TTN: variants seen among roughly 807,000 people sequenced by gnomAD.
TTN encodes the protein titin.
A neutral mutation model predicts 3,223.0 loss-of-function variants in TTN; 1,525 were observed. That is an observed-to-expected ratio of 0.47 (90% CI 0.45 to 0.49). TTN has a LOEUF of 0.49. Ranked by LOEUF, TTN falls within the 20% of genes least tolerant of loss-of-function variation. The probability of loss-of-function intolerance (pLI) is 0.00; values close to 1 mark genes in which losing one functional copy is unlikely to be tolerated. For synonymous variants in TTN, 14,094 were observed against 15,161.0 expected, an observed-to-expected ratio of 0.93 and a Z score of 5.17; for missense variants, 40,786 against 43,424.0, an observed-to-expected ratio of 0.94 and a Z score of 5.40.
chr2:178,702,296 A>C (rs1020427122), intron 107 of TTN, 51 bp from the exon 108 acceptor site: 6 of 1,610,614 alleles, frequency 3.7e-6, no homozygotes, highest in Non-Finnish European at 5.1e-6. Flanking sequence ...TGCAAATAAC[A>C]CTTCTTTACT....
Position 178,635,516 on chromosome 2 carries a change from A to G in TTN, c.41808T>C (p.Asn13936=), listed in dbSNP as rs879194690. 2.2e-5 allele frequency: 35 copies of G among 1,601,040 alleles called. No homozygotes were observed. Among genetic ancestry groups the G allele is most frequent in the Non-Finnish European group, 3.0e-5 (35 of 1,172,844 alleles). Residue 13936 remains asparagine (N), a synonymous_variant, in exon 227 of 363, where the codon AAT becomes AAC. Coordinates refer to ENST00000589042, the MANE Select transcript of TTN (RefSeq NM_001267550.2). ...DGNHLYLKIK[N]AMPEDIAEYA... Reference sequence around the variant, plus strand: ...ACTCAGCAATATCTTCTGGCATAGCATTCTTAATTTTGAGGTACAGATGAT... The same window carrying G: ...ACTCAGCAATATCTTCTGGCATAGCGTTCTTAATTTTGAGGTACAGATGAT...
In TTN at chr2:178,597,224, T is replaced by C. The variant is rs1316260501; in HGVS notation, c.57544+314A>G. On this transcript the variant is annotated intron_variant, in intron 294 of 362. Coordinates refer to ENST00000589042, the MANE Select transcript of TTN (RefSeq NM_001267550.2). ...TCTGGGCCATGATTCAGAATACATA[T>C]TCATGGCCTTCTAGCAATTTGAGAA... is the stretch of plus-strand genomic sequence containing the variant. Among the ~76,000 whole-genome samples, 5 of 152,092 alleles carry C rather than the reference T, an allele frequency of 3.3e-5. No individual in the cohort carries two copies. In the East Asian group the frequency reaches 9.7e-4, roughly 30 times the overall value.
At position 178,611,892 on chromosome 2, in the gene TTN, C is replaced by A; in HGVS notation, c.50417G>T (p.Gly16806Val). 1 of 1,612,814 alleles carries A rather than the reference C, an allele frequency of 6.2e-7. No individual in the cohort carries two copies. Among genetic ancestry groups the A allele is most frequent in the Non-Finnish European group, 8.5e-7 (1 of 1,179,256 alleles). Residue 16806 changes from glycine to valine, a missense_variant, in exon 268 of 363, where the codon GGA (glycine) becomes GTA (valine). By Grantham distance (109) the Gly-to-Val change is moderately radical. Coordinates refer to ENST00000589042, the MANE Select transcript of TTN (RefSeq NM_001267550.2). ...TRWVKAGKTAGPDCNFRVTDV... is the reference protein window; with the variant it reads ...TRWVKAGKTAVPDCNFRVTDV... ...AGTTACTCTGAAGTTACAGTCAGGT[C>A]CTGCAGTCTTTCCAGCTTTCACCCA...
In TTN at chr2:178,730,181, T is replaced by G; in HGVS notation, c.18219A>C (p.Ala6073=). The change falls in exon 62 of 363, where the codon GCA becomes GCC. Residue 6073 remains alanine (A), a synonymous_variant. Coordinates refer to ENST00000589042, the MANE Select transcript of TTN (RefSeq NM_001267550.2). ...DDTSTSLELF[A]AKATDSGTYI... ...AGGTTCCAGAATCGGTAGCTTTGGCTGCAAAGAGCTCTAGACTGGTAGAGG... is the reference window on the plus strand; with the variant it reads ...AGGTTCCAGAATCGGTAGCTTTGGCGGCAAAGAGCTCTAGACTGGTAGAGG... 6.2e-7 allele frequency: 1 copy of G among 1,613,502 alleles called. No homozygotes were observed. Among genetic ancestry groups the G allele is most frequent in the Non-Finnish European group, 8.5e-7 (1 of 1,179,686 alleles).
At chr2:178,800,801 T>C (rs1345501927) in intron 3 of TTN, 119 bp from the exon 4 acceptor site, 5 of 1,141,596 alleles carry the variant, frequency 4.4e-6, no homozygotes, top group Non-Finnish European at 6.1e-6. Context: ...CTAAACATCC[T>C]TGAATGTCCT....
At chr2:178,594,281 A>T in intron 296 of TTN, 39 bp from the exon 297 acceptor site, 2 of 1,598,656 alleles carry the variant, frequency 1.3e-6, no homozygotes, top group Non-Finnish European at 1.7e-6. Flanking sequence ...ATTTTTATTG[A>T]TGTCTTATTA....
chr2:178,664,201 G>A, intron 168 of TTN, 103 bp from the exon 169 acceptor site: 1 of 1,145,624 alleles, frequency 8.7e-7, no homozygotes, highest in East Asian at 2.5e-5. Flanking sequence ...CTCCTGAGCT[G>A]AGATCAGTGG....
rs771357758 is a variant in TTN at position 178,665,498 on chromosome 2, G to C, written c.35960-38C>G. Reference sequence around the variant, plus strand: ...TAGTATTATGGTTAGAGGTTAAAAGGATCAGTGGAGACATTAATTAAATGA... The same window carrying C: ...TAGTATTATGGTTAGAGGTTAAAAGCATCAGTGGAGACATTAATTAAATGA... On this transcript the variant is annotated intron_variant, in intron 164 of 362. Coordinates refer to ENST00000589042, the MANE Select transcript of TTN (RefSeq NM_001267550.2). 47 of 1,589,072 alleles carry C rather than the reference G, an allele frequency of 3.0e-5. 1 individual carries two copies. The highest frequency in any genetic ancestry group is 4.0e-5 in the Non-Finnish European group (46 of 1,159,622).
Position 178,536,579 on chromosome 2 carries a change from T to A in TTN, c.100172-4A>T. 1 of 1,489,570 alleles carries A rather than the reference T, an allele frequency of 6.7e-7. No individual in the cohort carries two copies. Among genetic ancestry groups the A allele is most frequent in the Non-Finnish European group, 8.9e-7 (1 of 1,126,604 alleles). 92.3% of individuals were successfully genotyped at this position (1,489,570 alleles called of 1,614,324 possible). A position where few individuals can be genotyped will look rare whatever the true frequency, so the allele number is the denominator to read the frequency against. On this transcript the variant is annotated splice_polypyrimidine_tract_variant and splice_region_variant and intron_variant, in intron 356 of 362. Transcript: ENST00000589042. Reference sequence around the variant, plus strand: ...TTGCCAGGAGCACCTGGCTTTTCTATTAAACAAAAAAAAGATTTGAGTCAT... The same window carrying A: ...TTGCCAGGAGCACCTGGCTTTTCTAATAAACAAAAAAAAGATTTGAGTCAT...
rs767933941 is a variant in TTN at position 178,564,032 on chromosome 2, A to G, written c.82100T>C (p.Leu27367Pro). 5 of 1,613,754 alleles carry G rather than the reference A, an allele frequency of 3.1e-6. No homozygotes were observed. Among genetic ancestry groups the G allele is most frequent in the African/African-American group, 1.3e-5 (1 of 75,032 alleles). Residue 27367 changes from leucine (L) to proline (P), a missense_variant, in exon 326 of 363, where the codon CTT (leucine) becomes CCT (proline). Coordinates refer to ENST00000589042, the MANE Select transcript of TTN (RefSeq NM_001267550.2). ...TKSIPITVKV[L>P]DRPGPPEGPL... is the part of the protein sequence containing the mutation. Reference sequence around the variant, plus strand: ...CCCTTCAGGAGGCCCTGGCCTGTCAAGTACCTTTACAGTGATGGGTATAGA... The same window carrying G: ...CCCTTCAGGAGGCCCTGGCCTGTCAGGTACCTTTACAGTGATGGGTATAGA...
rs183258737 is a variant in TTN at position 178,793,494 on chromosome 2, G to T, written c.1446C>A (p.Ala482=). The change falls in exon 9 of 363, where the codon GCC becomes GCA. Residue 482 remains alanine, a synonymous_variant. Transcript: ENST00000589042. ...EKTAVTKVVV[A]ADKAKEQELK... is the part of the protein sequence containing the mutation. Reference sequence around the variant, plus strand: ...ATTCTTGTTCCTTGGCTTTATCGGCGGCCACTACTACCTTAGTTACAGCAG... The same window carrying T: ...ATTCTTGTTCCTTGGCTTTATCGGCTGCCACTACTACCTTAGTTACAGCAG... 1 of 1,613,934 alleles carries T rather than the reference G, an allele frequency of 6.2e-7. No homozygotes were observed. Among genetic ancestry groups the T allele is most frequent in the Non-Finnish European group, 8.5e-7 (1 of 1,179,996 alleles).
Position 178,528,920 on chromosome 2 carries a change from C to G in TTN, c.106831G>C (p.Ala35611Pro), listed in dbSNP as rs1304855425. The G allele has an allele frequency of 1.3e-5, 21 of 1,614,010 alleles. No homozygotes were observed. The highest frequency in any genetic ancestry group is 1.4e-5 in the Non-Finnish European group (17 of 1,179,890). Residue 35611 changes from alanine (A) to proline (P), a missense_variant, in exon 360 of 363, where the codon GCA becomes CCA. Transcript: ENST00000589042. The stretch of plus-strand genomic sequence containing the variant: ...TTTATGCTCATCTGAGTAGAAAATG[C>G]TTTAATCTCAGCATGAGTTCTGACT... ...EEVRTHAEIK[A>P]FSTQMSINEG...
At chr2:178,664,362 T>G in intron 168 of TTN, 98 bp downstream of exon 168, 1 of 951,740 alleles carries the variant, frequency 1.1e-6, no homozygotes, top group Non-Finnish European at 1.6e-6. Context: ...CAGACATGAT[T>G]CACATGTACA....
chr2:178,570,333 T>A lies in TTN; in HGVS notation c.75799A>T (p.Thr25267Ser). ...TATTCATTGCCTTCAAGAAGCTTAGTAACCTTGCAGCTGAGAGTCTGCACA... is the reference window on the plus strand; with the variant it reads ...TATTCATTGCCTTCAAGAAGCTTAGAAACCTTGCAGCTGAGAGTCTGCACA... ...ANVQTLSCKV[T>S]KLLEGNEYTF... The change falls in exon 326 of 363, where the codon ACT becomes TCT. Residue 25267 changes from threonine (T) to serine (S), a missense_variant. Thr to Ser is a moderately conservative substitution (Grantham distance 58). Transcript: ENST00000589042. The A allele has an allele frequency of 6.2e-7, 1 of 1,613,344 alleles. No homozygotes were observed. The highest frequency in any genetic ancestry group is 8.5e-7 in the Non-Finnish European group (1 of 1,179,610).
chr2:178,694,285 T>C (rs576134384), intron 117 of TTN, among the ~76,000 whole-genome samples: 56 of 152,294 alleles, frequency 3.7e-4, no homozygotes, highest in African/African-American at 1.3e-3. Flanking sequence ...TAGGGTCTAT[T>C]TCTATAAATA....
intron 47 of TTN, chr2:178,750,493 T>A (rs756893873): frequency 6.2e-7 from 1 of 1,612,890 alleles, no homozygotes; most frequent in Non-Finnish European, 8.5e-7. Context: ...GTTGAGGATA[T>A]CCTTGAAAAT....
intron 242 of TTN, among the ~76,000 whole-genome samples, chr2:178,623,965 A>C (rs190964379): frequency 2.2e-4 from 33 of 152,096 alleles, no homozygotes; most frequent in African/African-American, 7.7e-4. Context: ...AGATTGAATC[A>C]TGTGAATGTG....
Position 178,757,738 on chromosome 2 carries a change from T to C in TTN, c.10482A>G (p.Pro3494=), listed in dbSNP as rs756011775. 9.3e-6 allele frequency: 15 copies of C among 1,613,810 alleles called. No homozygotes were observed. The highest frequency in any genetic ancestry group is 1.3e-5 in the Non-Finnish European group (15 of 1,179,832). Reference sequence around the variant, plus strand: ...GCTGGTTATGAAACCATTGGATTTCTGGCTTGGGAATGCCAGAAACCCTCG... The same window carrying C: ...GCTGGTTATGAAACCATTGGATTTCCGGCTTGGGAATGCCAGAAACCCTCG... ...FHARVSGIPK[P]EIQWFHNQQL... Residue 3494 remains proline, a synonymous_variant, in exon 45 of 363, where the codon CCA becomes CCG. Transcript: ENST00000589042.
chr2:178,751,625 G>A lies in TTN; in HGVS notation c.11311+1499C>T, dbSNP rs184395741. 121 of 1,613,324 alleles carry A rather than the reference G, an allele frequency of 7.5e-5. No homozygotes were observed. The Admixed American group carries it at 2.0e-3, about 27-fold the overall frequency. ...TTTTTGGATAACAAGCAATGATGCA[G>A]TTGATTCTGCAGACCCTTCACTATT... On this transcript the variant is annotated intron_variant, in intron 47 of 362. Coordinates refer to ENST00000589042, the MANE Select transcript of TTN (RefSeq NM_001267550.2).
Sources: allele counts gnomAD v4.1 joint callset (sites outside exome capture counted in the v4.1 genomes callset), GRCh38; gene constraint gnomAD v4.1.1; transcripts MANE v1.5; gene names NCBI Gene and HGNC (gene_info 2026-07-23, HGNC 2026-07-21).